Variants in CDH13 observed in about 807,000 individuals in gnomAD.
The protein encoded by CDH13 is cadherin 13.
Under a neutral mutation model 63.8 loss-of-function variants are expected in CDH13, and 24 were observed. The ratio of observed to expected loss-of-function variants is 0.38; its 90% CI spans 0.27 to 0.53. CDH13 has a LOEUF of 0.53. Among genes scored for constraint, CDH13 ranks in the 20% least tolerant of loss-of-function variants. The pLI is 0.85. For missense variants in CDH13, 1,049 were observed against 903.1 expected (o/e 1.16, Z -2.07); for synonymous variants, 503 against 355.3 (o/e 1.42, Z -4.67).
intron 1 of CDH13, among the ~76,000 whole-genome samples, chr16:82,707,966 C>A (rs1224148586): frequency 6.6e-6 from 1 of 152,156 alleles, no homozygotes; most frequent in African/African-American, 2.4e-5. Flanking sequence ...GTTTTGGTCC[C>A]TTGGTGAGAG....
intron 1 of CDH13, among the ~76,000 whole-genome samples, chr16:82,820,321 CTTATATG>C (rs1343989347): frequency 6.6e-6 from 1 of 152,162 alleles, no homozygotes; most frequent in Admixed American, 6.5e-5. Context: ...CCAGGAAGAG[CTTATATG>C]TGGTGCCCTG....
intron 10 of CDH13, among the ~76,000 whole-genome samples, chr16:83,690,137 C>T (rs758026360): frequency 1.7e-4 from 26 of 152,132 alleles, no homozygotes; most frequent in Non-Finnish European, 3.4e-4. Context: ...CACGCCACTG[C>T]ACTCCAGCCT....
chr16:83,185,501 C>G (rs1463112689), intron 4 of CDH13, among the ~76,000 whole-genome samples: 1 of 152,158 alleles, frequency 6.6e-6, no homozygotes, highest in Non-Finnish European at 1.5e-5. Flanking sequence ...ATGCTAAACG[C>G]TATATTTTCT....
Position 83,498,344 on chromosome 16 carries a change from CCTGAGGTAAAA to C in CDH13, c.960+11695_960+11705del, listed in dbSNP as rs142066222. 4.2e-3 allele frequency among the ~76,000 whole-genome samples: 640 copies of C among 152,140 alleles called. 6 individuals carry two copies. The highest frequency in any genetic ancestry group is 0.015 in the African/African-American group (622 of 41,496). ...TGTCTCTAGAGGCTCCAAAGGAGTC[CCTGAGGTAAAA>C]CTGAGATTATTCTAGAGCCACCTGG... On this transcript the variant is annotated intron_variant, in intron 7 of 13. Transcript: ENST00000567109.
At chr16:83,665,094 T>C (rs943760357) in intron 8 of CDH13, among the ~76,000 whole-genome samples, 1 of 152,182 alleles carries the variant, frequency 6.6e-6, no homozygotes, top group Non-Finnish European at 1.5e-5. Context: ...CATGATAGGA[T>C]TGACATCATT....
At chr16:82,764,613 G>C (rs1291761373) in intron 1 of CDH13, among the ~76,000 whole-genome samples, 1 of 152,194 alleles carries the variant, frequency 6.6e-6, no homozygotes. Context: ...GTGAAGGCAT[G>C]ATGCCTGGCC....
rs1275697061 is a variant in CDH13 at position 82,809,312 on chromosome 16, C to CA, written c.46-49050_46-49049insA. ...TGACCACCTCTCAAGTTATTTACGT[C>CA]CAAAAAAAAAAAATCACTGTAAATG... On this transcript the variant is annotated intron_variant, in intron 1 of 13. Coordinates refer to ENST00000567109, the MANE Select transcript of CDH13 (RefSeq NM_001257.5). Among the ~76,000 whole-genome samples, 40 of 11,508 alleles carry CA rather than the reference C, an allele frequency of 3.5e-3. 1 individual carries two copies. The highest frequency in any genetic ancestry group is 8.9e-3 in the South Asian group (1 of 112). 7.5% of individuals were successfully genotyped at this position (11,508 alleles called of 152,430 possible). A position where few individuals can be genotyped will look rare whatever the true frequency, so the allele number is the denominator to read the frequency against.
chr16:83,559,548 G>A (rs188423948), intron 7 of CDH13, among the ~76,000 whole-genome samples: 2 of 149,338 alleles, frequency 1.3e-5, no homozygotes, highest in Admixed American at 1.3e-4. Context: ...TCCAGCTTGG[G>A]CAACAAGAGC....
intron 6 of CDH13, among the ~76,000 whole-genome samples, chr16:83,377,392 G>T (rs542529796): frequency 6.6e-6 from 1 of 152,110 alleles, no homozygotes; most frequent in Non-Finnish European, 1.5e-5. Context: ...ACATCTCAAA[G>T]GCTATCTCTC....
chr16:82,815,519 G>C (rs1479417749), intron 1 of CDH13, among the ~76,000 whole-genome samples: 2 of 152,160 alleles, frequency 1.3e-5, no homozygotes, highest in African/African-American at 4.8e-5. Flanking sequence ...CTACATGGGA[G>C]ATATTATTTC....
At chr16:83,493,233 G>A (rs1170056498) in intron 7 of CDH13, among the ~76,000 whole-genome samples, 1 of 152,206 alleles carries the variant, frequency 6.6e-6, no homozygotes, top group Non-Finnish European at 1.5e-5. Flanking sequence ...CAATGAGACT[G>A]AAGAAGCAGA....
intron 6 of CDH13, among the ~76,000 whole-genome samples, chr16:83,380,291 A>G (rs894831550): frequency 4.6e-5 from 7 of 152,284 alleles, no homozygotes; most frequent in African/African-American, 1.7e-4. Flanking sequence ...GGGTGTGCTG[A>G]TTTTCATACT....
At chr16:83,680,204 C>T (rs1012284308) in intron 10 of CDH13, among the ~76,000 whole-genome samples, 3 of 152,188 alleles carry the variant, frequency 2.0e-5, no homozygotes, top group African/African-American at 7.2e-5. Flanking sequence ...GAGAATAAAC[C>T]AGCTCCAGCT....
At chr16:83,273,953 A>G (rs560301192) in intron 5 of CDH13, among the ~76,000 whole-genome samples, 25 of 152,240 alleles carry the variant, frequency 1.6e-4, no homozygotes, top group South Asian at 8.3e-4. Flanking sequence ...ATACTAGTCT[A>G]TCATAGGCGG....
chr16:83,694,123 C>T (rs1018496372), intron 10 of CDH13, among the ~76,000 whole-genome samples: 1 of 152,084 alleles, frequency 6.6e-6, no homozygotes, highest in Non-Finnish European at 1.5e-5. Context: ...GGATAGAAAA[C>T]CAGAAGACAG....
chr16:82,900,035 GCTCT>G (rs1014679282), intron 2 of CDH13, among the ~76,000 whole-genome samples: 1 of 151,464 alleles, frequency 6.6e-6, no homozygotes, highest in Admixed American at 6.6e-5. Flanking sequence ...CATCTTGATT[GCTCT>G]CTCTCTCTCT....
intron 6 of CDH13, among the ~76,000 whole-genome samples, chr16:83,437,931 C>G (rs1598019753): frequency 6.6e-6 from 1 of 152,198 alleles, no homozygotes. Flanking sequence ...CTTCTGCTTC[C>G]TCAAGATCTC....
At chr16:83,147,569 C>G (rs8058701) in intron 4 of CDH13, among the ~76,000 whole-genome samples, 34,688 of 152,080 alleles carry the variant, frequency 0.23, 4,434 homozygotes, top group African/African-American at 0.35. Flanking sequence ...ATTTGTGATT[C>G]TCCCAACATC....
chr16:83,427,172 C>T (rs1232163384), intron 6 of CDH13, among the ~76,000 whole-genome samples: 1 of 151,876 alleles, frequency 6.6e-6, no homozygotes, highest in African/African-American at 2.4e-5. Flanking sequence ...CCTCAGCCTC[C>T]CAAAGTGCTG....
Sources: gnomAD v4.1 joint callset for allele counts (sites outside exome capture counted in the v4.1 genomes callset) on GRCh38, gnomAD v4.1.1 for gene constraint, MANE v1.5 for transcripts, NCBI Gene and HGNC (gene_info 2026-07-23, HGNC 2026-07-21) for gene names.